COL5A2: variants seen among roughly 807,000 people sequenced by gnomAD.
The protein encoded by COL5A2 is collagen alpha-2(V) chain.
A neutral mutation model predicts 208.2 loss-of-function variants in COL5A2; 23 were observed. That is an observed-to-expected ratio of 0.11 (90% CI 0.08 to 0.16). The LOEUF (loss-of-function observed/expected upper bound fraction) is 0.16, where lower values mean the gene tolerates loss of function less well. Ranked by LOEUF, COL5A2 falls within the 10% of genes least tolerant of loss-of-function variation. The pLI, the probability that COL5A2 is intolerant of heterozygous loss-of-function variation, is 1.00. For missense variants in COL5A2, 1,590 were observed against 1,956.4 expected (o/e 0.81, Z 3.53); for synonymous variants, 625 against 628.5 (o/e 0.99, Z 0.08).
At chr2:189,236,943 C>T in the COL5A2 span, among the ~76,000 whole-genome samples, 1 of 151,674 alleles carries the variant, frequency 6.6e-6, no homozygotes, top group Admixed American at 6.6e-5. Flanking sequence ...TGTATTACTC[C>T]AGAATCACAA....
Position 189,110,304 on chromosome 2 carries a change from G to A in COL5A2, c.243C>T (p.Asp81=), listed in dbSNP as rs779628865. The change falls in exon 2 of 54, where the codon GAC becomes GAT. Residue 81 remains aspartate (D), a synonymous_variant. Transcript: ENST00000374866. ...CAGGGGGCGTTACAGGGTCGGCACA[G>A]TCCAGCACATCCTGGCATTCTATCT... ...CDKIECQDVL[D]CADPVTPPGE... The A allele has an allele frequency of 6.2e-7, 1 of 1,614,160 alleles. No individual in the cohort carries two copies. Among genetic ancestry groups the A allele is most frequent in the East Asian group, 2.2e-5 (1 of 44,870 alleles).
the COL5A2 span, among the ~76,000 whole-genome samples, chr2:189,419,113 CT>C: frequency 3.3e-5 from 5 of 152,294 alleles, no homozygotes; most frequent in South Asian, 1.0e-3. Context: ...TCTTCATGCT[CT>C]TTAAATGTTC....
chr2:189,187,273 G>A (rs1009195563), intron 1 of COL5A2, among the ~76,000 whole-genome samples: 6 of 152,118 alleles, frequency 3.9e-5, no homozygotes, highest in Non-Finnish European at 7.3e-5. Flanking sequence ...TATAATGAAT[G>A]GCCTCATATA....
intron 18 of COL5A2, among the ~76,000 whole-genome samples, chr2:189,070,898 G>T (rs915731231): frequency 6.6e-6 from 1 of 152,152 alleles, no homozygotes; most frequent in African/African-American, 2.4e-5. Context: ...CTCAGTGAAT[G>T]CAGGGAAAGG....
intron 23 of COL5A2, among the ~76,000 whole-genome samples, chr2:189,066,020 G>A (rs191504704): frequency 2.0e-5 from 3 of 152,246 alleles, no homozygotes; most frequent in Admixed American, 2.0e-4. Flanking sequence ...GTGTGTGTAT[G>A]GCATTTTTTA....
the COL5A2 span, among the ~76,000 whole-genome samples, chr2:189,256,120 T>G: frequency 6.6e-6 from 1 of 152,150 alleles, no homozygotes; most frequent in African/African-American, 2.4e-5. Context: ...TCAACAAGGG[T>G]TGAGATTTAG....
the COL5A2 span, among the ~76,000 whole-genome samples, chr2:189,392,345 G>A: frequency 6.6e-6 from 1 of 152,082 alleles, no homozygotes; most frequent in African/African-American, 2.4e-5. Context: ...ATGTCATACT[G>A]ACTTTGACCT....
chr2:189,353,165 A>G, the COL5A2 span, among the ~76,000 whole-genome samples: 1 of 152,198 alleles, frequency 6.6e-6, no homozygotes, highest in Non-Finnish European at 1.5e-5. Flanking sequence ...TGTTGGTACC[A>G]GTACCAAGCT....
chr2:189,278,355 A>G, the COL5A2 span, among the ~76,000 whole-genome samples: 1 of 152,050 alleles, frequency 6.6e-6, no homozygotes, highest in Non-Finnish European at 1.5e-5. Context: ...GGAAATTTTG[A>G]TGGAGGATAG....
chr2:189,360,061 A>T, the COL5A2 span, among the ~76,000 whole-genome samples: 2 of 151,642 alleles, frequency 1.3e-5, no homozygotes, highest in Non-Finnish European at 2.9e-5. Context: ...TTTTTGCTCT[A>T]ATCTTTATTA....
the COL5A2 span, among the ~76,000 whole-genome samples, chr2:189,250,705 C>T: frequency 6.6e-6 from 1 of 152,016 alleles, no homozygotes; most frequent in African/African-American, 2.4e-5. Context: ...TTTAAATAAC[C>T]TTGATTCTTA....
chr2:189,345,955 T>A, the COL5A2 span, among the ~76,000 whole-genome samples: 21 of 152,196 alleles, frequency 1.4e-4, no homozygotes, highest in African/African-American at 4.6e-4. Context: ...TATGAATAAA[T>A]ATTAATTATA....
chr2:189,137,180 T>A (rs998593880), intron 1 of COL5A2, among the ~76,000 whole-genome samples: 18 of 152,202 alleles, frequency 1.2e-4, no homozygotes, highest in African/African-American at 3.9e-4. Context: ...AATATAGCAA[T>A]AGAATGTGAT....
the COL5A2 span, among the ~76,000 whole-genome samples, chr2:189,421,706 G>A: frequency 6.6e-6 from 1 of 152,154 alleles, no homozygotes; most frequent in African/African-American, 2.4e-5. Context: ...GCTCCTGCAA[G>A]ACAGACTCAA....
At chr2:189,037,600 C>A (rs534296006) in intron 51 of COL5A2, among the ~76,000 whole-genome samples, 1 of 152,118 alleles carries the variant, frequency 6.6e-6, no homozygotes, top group African/African-American at 2.4e-5. Context: ...GACTTAGGAT[C>A]CCTCTTCTCT....
chr2:189,302,666 T>C, the COL5A2 span, among the ~76,000 whole-genome samples: 9 of 152,266 alleles, frequency 5.9e-5, no homozygotes, highest in East Asian at 1.7e-3. Flanking sequence ...AATGAACAAA[T>C]GCATTTTAAA....
rs863223485 is a variant in COL5A2 at position 189,068,855 on chromosome 2, G to T, written c.1188C>A (p.Gly396=). The T allele has an allele frequency of 1.2e-6, 2 of 1,612,736 alleles. No individual in the cohort carries two copies. Among genetic ancestry groups the T allele is most frequent in the Admixed American group, 1.7e-5 (1 of 59,978 alleles). The change falls in exon 19 of 54, where the codon GGC becomes GGA. Residue 396 remains glycine (G), a synonymous_variant. Coordinates refer to ENST00000374866, the MANE Select transcript of COL5A2 (RefSeq NM_000393.5). The part of the protein sequence containing the change: ...KGEAGPTGAR[G]PEGPQGQRGE... ...CTCTCTGCCCCTGAGGACCTTCAGG[G>T]CCTCGCGCCCCTGTAGGACCTGCTT...
upstream of COL5A2, among the ~76,000 whole-genome samples, chr2:189,181,862 G>C (rs368918418): frequency 3.9e-4 from 60 of 152,258 alleles, 1 homozygote; most frequent in African/African-American, 1.2e-3. Context: ...CCACCATGCA[G>C]TCTCTCATGG....
At chr2:189,058,666 A>T in intron 32 of COL5A2, 139 bp from the exon 33 acceptor site, 1 of 977,122 alleles carries the variant, frequency 1.0e-6, no homozygotes, top group Non-Finnish European at 1.6e-6. Flanking sequence ...TTTAGTGATA[A>T]GAAATAAATT....
Sources: allele counts gnomAD v4.1 joint callset (sites outside exome capture counted in the v4.1 genomes callset), GRCh38; gene constraint gnomAD v4.1.1; transcripts MANE v1.5; gene names NCBI Gene and HGNC (gene_info 2026-07-23, HGNC 2026-07-21).